Variants in PLD5 observed in about 807,000 individuals in gnomAD.
PLD5 encodes the protein phospholipase D family member 5.
Under a neutral mutation model 61.1 loss-of-function variants are expected in PLD5, and 36 were observed. The observed-to-expected ratio is 0.59, with a 90% CI of 0.45 to 0.78. The LOEUF (loss-of-function observed/expected upper bound fraction) is 0.78. Ranked by LOEUF, PLD5 falls within the 30% of genes least tolerant of loss-of-function variation. PLD5 has a pLI of 0.00. For missense variants in PLD5, 515 were observed against 644.4 expected (o/e 0.80, Z 2.17); for synonymous variants, 243 against 242.8 (o/e 1.00, Z -0.01).
chr1:242,426,184 C>A (rs1323152818), intron 1 of PLD5, among the ~76,000 whole-genome samples: 3 of 151,982 alleles, frequency 2.0e-5, no homozygotes, highest in Non-Finnish European at 4.4e-5. Context: ...CACTGTCTTC[C>A]ACCTCCACAT....
chr1:242,138,892 A>G (rs1269391569), intron 5 of PLD5, among the ~76,000 whole-genome samples: 1 of 152,218 alleles, frequency 6.6e-6, no homozygotes, highest in East Asian at 1.9e-4. Flanking sequence ...ACAACTGTGT[A>G]AGAACTAAAT....
chr1:242,462,518 C>T (rs2343118), intron 1 of PLD5, among the ~76,000 whole-genome samples: 102,825 of 151,426 alleles, frequency 0.68, 35,475 homozygotes, highest in African/African-American at 0.79. Context: ...TTATGCTCAC[C>T]GCCTGGGTGA....
chr1:242,370,595 C>A (rs983644784), intron 1 of PLD5, among the ~76,000 whole-genome samples: 3 of 152,142 alleles, frequency 2.0e-5, no homozygotes, highest in African/African-American at 7.2e-5. Flanking sequence ...CCCACCCTTC[C>A]TTCCATGCAC....
chr1:242,129,438 A>T (rs577615085), intron 5 of PLD5, among the ~76,000 whole-genome samples: 1 of 152,316 alleles, frequency 6.6e-6, no homozygotes, highest in South Asian at 2.1e-4. Flanking sequence ...ATGGAAAAAA[A>T]ACCAACCAAA....
intron 4 of PLD5, among the ~76,000 whole-genome samples, chr1:242,247,517 T>C (rs1007168917): frequency 1.3e-5 from 2 of 152,250 alleles, no homozygotes; most frequent in Admixed American, 1.3e-4. Flanking sequence ...AGGTCTTGTT[T>C]ATAATTCTGT....
At chr1:242,345,166 G>A (rs1660058118) in intron 2 of PLD5, among the ~76,000 whole-genome samples, 1 of 152,154 alleles carries the variant, frequency 6.6e-6, no homozygotes, top group East Asian at 1.9e-4. Context: ...CTGCAGTTGT[G>A]ACCATGGTAA....
intron 1 of PLD5, among the ~76,000 whole-genome samples, chr1:242,430,416 T>C (rs546728449): frequency 6.6e-6 from 1 of 152,234 alleles, no homozygotes; most frequent in South Asian, 2.1e-4. Context: ...TAATCCCATC[T>C]TGGGGGCCCC....
chr1:242,438,481 G>C (rs1413556467), intron 1 of PLD5, among the ~76,000 whole-genome samples: 2 of 116,226 alleles, frequency 1.7e-5, no homozygotes, highest in Non-Finnish European at 3.5e-5. Context: ...TTTCACTCTT[G>C]TCACCCAGGT....
chr1:242,105,819 G>A (rs553006758), intron 8 of PLD5, among the ~76,000 whole-genome samples: 1 of 152,194 alleles, frequency 6.6e-6, no homozygotes, highest in East Asian at 1.9e-4. Context: ...TCTATCATTA[G>A]AGAGAGAGAA....
intron 5 of PLD5, among the ~76,000 whole-genome samples, chr1:242,175,665 G>A (rs533464107): frequency 9.6e-4 from 146 of 152,322 alleles, no homozygotes; most frequent in African/African-American, 3.4e-3. Context: ...AATTGTCTCT[G>A]TTTGCAGATG....
chr1:242,252,305 G>A (rs549810984), intron 4 of PLD5, among the ~76,000 whole-genome samples: 3 of 152,326 alleles, frequency 2.0e-5, no homozygotes, highest in Non-Finnish European at 2.9e-5. Context: ...AAAAGCAGGT[G>A]CAATTGGGAT....
At chr1:242,174,970 A>G (rs1667026529) in intron 5 of PLD5, among the ~76,000 whole-genome samples, 2 of 152,188 alleles carry the variant, frequency 1.3e-5, no homozygotes, top group Non-Finnish European at 1.5e-5. Context: ...GCAGCATACC[A>G]ACATGGCACA....
In PLD5 at chr1:242,394,821, TAC is replaced by T. The variant is rs1250556529; in HGVS notation, c.190-46581_190-46580del. 5.5e-5 allele frequency among the ~76,000 whole-genome samples: 7 copies of T among 126,652 alleles called. 2 individuals carry two copies. Among genetic ancestry groups the T allele is most frequent in the Admixed American group, 9.1e-5 (1 of 10,998 alleles). 83.1% of individuals were successfully genotyped at this position (126,652 alleles called of 152,430 possible). On this transcript the variant is annotated intron_variant, in intron 1 of 9. Coordinates refer to ENST00000536534, the MANE Select transcript of PLD5 (RefSeq NM_001372062.1). ...ATATGTGTATATATGTGAATATATATACATATATGTGAATATATATACATATG... is the reference window on the plus strand; with the variant it reads ...ATATGTGTATATATGTGAATATATATATATATGTGAATATATATACATATG...
chr1:242,112,323 G>GTATATATATATA (rs1491036599), intron 7 of PLD5, among the ~76,000 whole-genome samples: 3 of 80,632 alleles, frequency 3.7e-5, no homozygotes, highest in Admixed American at 2.8e-4. Flanking sequence ...GTGTGTGTGT[G>GTATATATATATA]TATGTATGTA....
At chr1:242,388,677 G>A (rs868375144) in intron 1 of PLD5, among the ~76,000 whole-genome samples, 4 of 152,184 alleles carry the variant, frequency 2.6e-5, no homozygotes, top group Admixed American at 6.5e-5. Context: ...TGACTGAGAC[G>A]GTAAGGAGGA....
chr1:242,237,228 C>A (rs1268779596), intron 4 of PLD5, among the ~76,000 whole-genome samples: 2 of 151,614 alleles, frequency 1.3e-5, no homozygotes, highest in Non-Finnish European at 2.9e-5. Context: ...GAGCTGGTAT[C>A]ATGTGTCATT....
chr1:242,480,915 G>A lies in PLD5; in HGVS notation c.189+43173C>T, dbSNP rs185533640. On this transcript the variant is annotated intron_variant, in intron 1 of 9. Transcript: ENST00000536534. The stretch of plus-strand genomic sequence containing the variant: ...CATTAATACTGGGGAGTGTAAAATC[G>A]TACAACCAATTTAAAAAATAGTCTG... Among the ~76,000 whole-genome samples the A allele has an allele frequency of 4.1e-4, 62 of 152,000 alleles. 1 individual carries two copies. The East Asian group carries it at 7.5e-3, about 18-fold the overall frequency.
At chr1:242,415,955 C>T (rs1013782840) in intron 1 of PLD5, among the ~76,000 whole-genome samples, 9 of 152,042 alleles carry the variant, frequency 5.9e-5, no homozygotes, top group South Asian at 2.1e-4. Context: ...AAAAGCAACA[C>T]CTAAAAATTT....
At chr1:242,512,415 C>CAAAAA (rs33990244) in intron 1 of PLD5, among the ~76,000 whole-genome samples, 2 of 120,368 alleles carry the variant, frequency 1.7e-5, no homozygotes. Flanking sequence ...GACTCCATCT[C>CAAAAA]AAAAAAAAAA....
Sources: allele counts gnomAD v4.1 joint callset (sites outside exome capture counted in the v4.1 genomes callset), GRCh38; gene constraint gnomAD v4.1.1; transcripts MANE v1.5; gene names NCBI Gene and HGNC (gene_info 2026-07-23, HGNC 2026-07-21).